Variants in PLEKHH2 observed in about 807,000 individuals in gnomAD.
The protein encoded by PLEKHH2 is pleckstrin homology, MyTH4 and FERM domain containing H2.
Under a neutral mutation model 187.9 loss-of-function variants are expected in PLEKHH2, and 129 were observed. That is an observed-to-expected ratio of 0.69 (90% CI 0.59 to 0.79). The LOEUF (loss-of-function observed/expected upper bound fraction) is 0.79, where lower values mean the gene tolerates loss of function less well. Ranked by LOEUF, PLEKHH2 falls within the 30% of genes least tolerant of loss-of-function variation. The pLI is 0.00. For synonymous variants in PLEKHH2, 686 were observed against 605.6 expected, an observed-to-expected ratio of 1.13 and a Z score of -1.95; for missense variants, 2,076 against 1,751.2, an observed-to-expected ratio of 1.19 and a Z score of -3.31.
chr2:43,765,550 G>T lies in PLEKHH2; in HGVS notation c.4434G>T (p.Gln1478His). ...RGPQARMMGSQPLLSSSRPTK... is the reference protein window; with the variant it reads ...RGPQARMMGSHPLLSSSRPTK... ...CCCAAGCCAGAATGATGGGAAGCCA[G>T]CCTCTTCTGTCAAGCAGCAGACCGA... is the stretch of plus-strand genomic sequence containing the variant. The change falls in exon 30 of 30, where the codon CAG becomes CAT. Residue 1478 changes from glutamine to histidine, a missense_variant. Physicochemically the swap from Gln to His is conservative, Grantham distance 24. Coordinates refer to ENST00000282406, the MANE Select transcript of PLEKHH2 (RefSeq NM_172069.4). 1 of 1,613,724 alleles carries T rather than the reference G, an allele frequency of 6.2e-7. No homozygotes were observed. The highest frequency in any genetic ancestry group is 8.5e-7 in the Non-Finnish European group (1 of 1,179,980).
intron 15 of PLEKHH2, among the ~76,000 whole-genome samples, chr2:43,713,888 C>G (rs1670087487): frequency 6.6e-6 from 1 of 151,830 alleles, no homozygotes; most frequent in Admixed American, 6.6e-5. Context: ...GGGTGTTATT[C>G]CATAATATTT....
intron 10 of PLEKHH2, among the ~76,000 whole-genome samples, chr2:43,707,146 A>G (rs573794774): frequency 6.8e-6 from 1 of 146,418 alleles, no homozygotes; most frequent in African/African-American, 2.6e-5. Context: ...CAGTGAACCG[A>G]GATCATGTCA....
At chr2:43,701,799 C>T (rs1421643840) in intron 8 of PLEKHH2, among the ~76,000 whole-genome samples, 2 of 135,674 alleles carry the variant, frequency 1.5e-5, no homozygotes, top group African/African-American at 5.6e-5. Flanking sequence ...TGAAGTTTCA[C>T]TCTTGTCTCC....
intron 19 of PLEKHH2, 152 bp from the exon 20 acceptor site, chr2:43,738,189 G>T (rs975358490): frequency 1.8e-6 from 1 of 571,170 alleles, no homozygotes; most frequent in East Asian, 3.1e-5. Flanking sequence ...TTATTGTGGC[G>T]ATTCCAGATT....
chr2:43,756,684 A>G (rs1464109216), intron 25 of PLEKHH2, among the ~76,000 whole-genome samples: 1 of 152,200 alleles, frequency 6.6e-6, no homozygotes, highest in African/African-American at 2.4e-5. Flanking sequence ...GCTCTGGCTC[A>G]CGCTTGCAAT....
intron 3 of PLEKHH2, among the ~76,000 whole-genome samples, chr2:43,689,586 T>C (rs1479150564): frequency 6.6e-6 from 1 of 152,234 alleles, no homozygotes; most frequent in Non-Finnish European, 1.5e-5. Context: ...CTCTTATTCA[T>C]ATTAATTACC....
At chr2:43,657,811 T>C (rs572673848) in intron 2 of PLEKHH2, among the ~76,000 whole-genome samples, 2 of 152,338 alleles carry the variant, frequency 1.3e-5, no homozygotes, top group African/African-American at 2.4e-5. Context: ...ATCTGCAGCA[T>C]TGATAGATAC....
rs2104598986 is a variant in PLEKHH2, at chr2:43,743,024, A to C, written c.3399+106A>C. ...ACTTTTGTCAGCACCTGGCAGTGACAAACATGCAAATATATTAGATTTACT... is the reference window on the plus strand; with the variant it reads ...ACTTTTGTCAGCACCTGGCAGTGACCAACATGCAAATATATTAGATTTACT... On this transcript the variant is annotated intron_variant, in intron 22 of 29. Transcript: ENST00000282406. 2 of 843,740 alleles carry C rather than the reference A, an allele frequency of 2.4e-6. 1 individual carries two copies. Among genetic ancestry groups the C allele is most frequent in the South Asian group, 7.0e-5 (2 of 28,540 alleles). 52.3% of individuals were successfully genotyped at this position (843,740 alleles called of 1,614,324 possible). A position where few individuals can be genotyped will look rare whatever the true frequency, so the allele number is the denominator to read the frequency against.
At chr2:43,646,024 T>C (rs576341176) in intron 2 of PLEKHH2, among the ~76,000 whole-genome samples, 7 of 152,268 alleles carry the variant, frequency 4.6e-5, no homozygotes, top group Admixed American at 1.3e-4. Flanking sequence ...CTTGCATATA[T>C]ATCATCTCAA....
chr2:43,736,410 T>A (rs774914507), intron 19 of PLEKHH2, among the ~76,000 whole-genome samples: 20 of 152,132 alleles, frequency 1.3e-4, no homozygotes, highest in African/African-American at 2.4e-5. Context: ...ATACGCCCTG[T>A]GATTGCTGCA....
intron 1 of PLEKHH2, among the ~76,000 whole-genome samples, chr2:43,643,073 GC>G (rs1427549183): frequency 1.3e-5 from 2 of 152,066 alleles, no homozygotes; most frequent in Admixed American, 1.3e-4. Flanking sequence ...AAATGAAGCA[GC>G]CCCAGAACTG....
chr2:43,732,782 G>A (rs1237537266), intron 19 of PLEKHH2, among the ~76,000 whole-genome samples: 1 of 151,722 alleles, frequency 6.6e-6, no homozygotes, highest in South Asian at 2.1e-4. Flanking sequence ...AGTTCCTTGG[G>A]ACCCATAATT....
intron 3 of PLEKHH2, chr2:43,680,798 A>G (rs1403468635): frequency 1.5e-5 from 6 of 390,768 alleles, no homozygotes; most frequent in Middle Eastern, 6.4e-4. Context: ...CATTTTCTTG[A>G]CACTACCAAT....
intron 1 of PLEKHH2, among the ~76,000 whole-genome samples, chr2:43,642,615 C>T (rs1385498879): frequency 2.0e-5 from 3 of 152,118 alleles, no homozygotes; most frequent in Non-Finnish European, 4.4e-5. Context: ...CGTCCTCTAT[C>T]AGGATGAGGA....
intron 19 of PLEKHH2, among the ~76,000 whole-genome samples, chr2:43,736,861 G>C (rs533988352): frequency 5.3e-5 from 8 of 152,148 alleles, no homozygotes; most frequent in South Asian, 2.1e-4. Context: ...TGAGAGGAGA[G>C]AGCTAAAGAG....
intron 16 of PLEKHH2, among the ~76,000 whole-genome samples, chr2:43,722,089 TAAA>T (rs780880178): frequency 1.6e-5 from 2 of 128,244 alleles, no homozygotes; most frequent in Admixed American, 8.1e-5. Flanking sequence ...TAGTCTCTAC[TAAA>T]AAAAAAAAAA....
At chr2:43,675,765 G>C (rs759596821) in intron 2 of PLEKHH2, 1 of 1,613,698 alleles carries the variant, frequency 6.2e-7, no homozygotes, top group Non-Finnish European at 8.5e-7. Context: ...CTCTGCTTAA[G>C]ACAATCCCTC....
At chr2:43,711,604 G>T in intron 14 of PLEKHH2, 1 of 975,192 alleles carries the variant, frequency 1.0e-6, no homozygotes, top group Non-Finnish European at 1.2e-6. Context: ...CAATAAGTAG[G>T]AACCTGGCCG....
At chr2:43,717,220 C>G (rs1239457371) in intron 15 of PLEKHH2, among the ~76,000 whole-genome samples, 1 of 152,138 alleles carries the variant, frequency 6.6e-6, no homozygotes, top group Non-Finnish European at 1.5e-5. Context: ...AAGTTTGAGA[C>G]CAGCCTGGCC....
Sources: gnomAD v4.1 joint callset for allele counts (sites outside exome capture counted in the v4.1 genomes callset) on GRCh38, gnomAD v4.1.1 for gene constraint, MANE v1.5 for transcripts, NCBI Gene and HGNC (gene_info 2026-07-23, HGNC 2026-07-21) for gene names.